Variants in MCTP1 observed in about 807,000 individuals in gnomAD.
MCTP1 encodes the protein multiple C2 and transmembrane domain containing 1, also known as multiple C2 and transmembrane domain-containing protein 1.
Under a neutral mutation model 120.6 loss-of-function variants are expected in MCTP1, and 69 were observed. The observed-to-expected ratio is 0.57, with a 90% CI of 0.47 to 0.70. MCTP1 has a LOEUF of 0.70. MCTP1 is among the 30% of genes least tolerant of loss of function. The pLI, the probability that MCTP1 is intolerant of heterozygous loss-of-function variation, is 0.00. For missense variants in MCTP1, 1,203 were observed against 1,248.8 expected (o/e 0.96, Z 0.55); for synonymous variants, 529 against 493.1 (o/e 1.07, Z -0.96).
At chr5:95,060,950 A>AAAAAG (rs1390487914) in intron 1 of MCTP1, among the ~76,000 whole-genome samples, 3 of 149,212 alleles carry the variant, frequency 2.0e-5, no homozygotes, top group Non-Finnish European at 2.9e-5. Flanking sequence ...CAAAAAAAAA[A>AAAAAG]AAAAGAAAAG....
At position 94,707,570 on chromosome 5, in the gene MCTP1, G is replaced by GT; in HGVS notation, c.2929-4dup. 2 of 1,610,036 alleles carry GT rather than the reference G, an allele frequency of 1.2e-6. No homozygotes were observed. The highest frequency in any genetic ancestry group is 1.7e-6 in the Non-Finnish European group (2 of 1,176,990). On this transcript the variant is annotated splice_region_variant and splice_polypyrimidine_tract_variant and intron_variant, in intron 22 of 22. Transcript: ENST00000515393. ...GGTTTCAGTTCTTGGTATTGCACCTGTTTAAACAGAGTTCAGAGGAAGACT... is the reference window on the plus strand; with the variant it reads ...GGTTTCAGTTCTTGGTATTGCACCTGTTTTAAACAGAGTTCAGAGGAAGACT...
chr5:95,267,294 C>A (rs944378227), intron 1 of MCTP1, among the ~76,000 whole-genome samples: 12 of 152,134 alleles, frequency 7.9e-5, no homozygotes, highest in African/African-American at 2.4e-4. Flanking sequence ...AAGTTTAAAT[C>A]TCCTGAAAAT....
At chr5:94,872,661 T>G (rs1269501724) in intron 13 of MCTP1, among the ~76,000 whole-genome samples, 3 of 152,060 alleles carry the variant, frequency 2.0e-5, no homozygotes, top group Non-Finnish European at 4.4e-5. Flanking sequence ...AATTAACTCA[T>G]AGGGTATTTT....
chr5:94,784,553 T>A (rs1777236588), intron 18 of MCTP1, among the ~76,000 whole-genome samples: 1 of 152,086 alleles, frequency 6.6e-6, no homozygotes, highest in South Asian at 2.1e-4. Context: ...ATTGTATACA[T>A]AATTCACTCC....
chr5:94,975,231 C>T (rs72777351), intron 2 of MCTP1, among the ~76,000 whole-genome samples: 48,252 of 151,666 alleles, frequency 0.32, 7,821 homozygotes, highest in South Asian at 0.39. Flanking sequence ...ATGTTTATAC[C>T]CCCGCAACTC....
intron 1 of MCTP1, among the ~76,000 whole-genome samples, chr5:95,052,854 G>A (rs571294825): frequency 1.6e-4 from 25 of 152,276 alleles, no homozygotes; most frequent in African/African-American, 3.1e-4. Flanking sequence ...TGGGGTAGCC[G>A]TCCAGTTAAA....
intron 17 of MCTP1, among the ~76,000 whole-genome samples, chr5:94,810,266 C>A (rs1332338152): frequency 6.6e-6 from 1 of 152,078 alleles, no homozygotes; most frequent in Non-Finnish European, 1.5e-5. Context: ...ATGAATGTTA[C>A]CACTCCTATT....
Position 94,710,681 on chromosome 5 carries a change from C to A in MCTP1, c.2830+137G>T, listed in dbSNP as rs555649691. 3.9e-4 allele frequency: 229 copies of A among 593,514 alleles called. 3 individuals carry two copies. The African/African-American group carries it at 4.1e-3, about 11-fold the overall frequency. 36.8% of individuals were successfully genotyped at this position (593,514 alleles called of 1,614,324 possible). On this transcript the variant is annotated intron_variant, in intron 21 of 22. Coordinates refer to ENST00000515393, the MANE Select transcript of MCTP1 (RefSeq NM_024717.7). ...TCTTTATACTGTTGTGATTTTTAAC[C>A]AACCTGTCTCTTTTCATCATGGAGT...
At chr5:95,042,811 C>T (rs928229739) in intron 1 of MCTP1, among the ~76,000 whole-genome samples, 19 of 152,182 alleles carry the variant, frequency 1.2e-4, no homozygotes, top group Non-Finnish European at 2.6e-4. Flanking sequence ...ACATTCAGCT[C>T]TACCTCAAAC....
At chr5:95,067,567 TAAAC>T (rs1444830850) in intron 1 of MCTP1, among the ~76,000 whole-genome samples, 2 of 152,050 alleles carry the variant, frequency 1.3e-5, no homozygotes, top group Admixed American at 1.3e-4. Flanking sequence ...TAAACAGAAA[TAAAC>T]TAAGATACAT....
chr5:94,849,615 G>C (rs1057367852), intron 17 of MCTP1, among the ~76,000 whole-genome samples: 4 of 152,084 alleles, frequency 2.6e-5, no homozygotes, highest in Non-Finnish European at 5.9e-5. Context: ...GGTCGATGGG[G>C]TTAAAGGAAA....
chr5:95,081,752 A>T, intron 1 of MCTP1: 1 of 1,184,622 alleles, frequency 8.4e-7, no homozygotes, highest in Non-Finnish European at 1.0e-6. Flanking sequence ...CAAAACTGTT[A>T]GTACAGATTA....
chr5:94,951,938 G>A (rs1234991059), intron 3 of MCTP1, among the ~76,000 whole-genome samples: 4 of 152,088 alleles, frequency 2.6e-5, no homozygotes, highest in East Asian at 3.9e-4. Context: ...TTGGGAGGCC[G>A]AGGAGCACAG....
chr5:95,126,477 C>T (rs1301796861), intron 1 of MCTP1, among the ~76,000 whole-genome samples: 1 of 152,184 alleles, frequency 6.6e-6, no homozygotes, highest in African/African-American at 2.4e-5. Context: ...AAGAAAAACT[C>T]TACCTCAATG....
At chr5:94,860,751 G>C (rs908216220) in intron 17 of MCTP1, among the ~76,000 whole-genome samples, 2 of 151,186 alleles carry the variant, frequency 1.3e-5, no homozygotes, top group Non-Finnish European at 3.0e-5. Flanking sequence ...GAGCTGGGGC[G>C]GGGGGGAAGC....
At position 94,704,284 on chromosome 5, in the gene MCTP1, C is replaced by T. The variant is rs573992875; in HGVS notation, c.*3212G>A. ...AGTATTAATTTAGCAATACCTGAGA[C>T]GTTTTTCAAGAAGTATAATGGTAGC... On this transcript the variant is annotated 3_prime_UTR_variant, in exon 23 of 23. Coordinates refer to ENST00000515393, the MANE Select transcript of MCTP1 (RefSeq NM_024717.7). 13 of 151,682 alleles carry T rather than the reference C, an allele frequency of 8.6e-5. No individual in the cohort carries two copies. Among genetic ancestry groups the T allele is most frequent in the African/African-American group, 2.7e-4 (11 of 41,480 alleles). 9.4% of individuals were successfully genotyped at this position (151,682 alleles called of 1,614,324 possible).
At chr5:94,986,542 C>T (rs937930909) in intron 2 of MCTP1, among the ~76,000 whole-genome samples, 2 of 152,188 alleles carry the variant, frequency 1.3e-5, no homozygotes, top group African/African-American at 4.8e-5. Flanking sequence ...CAGAGTCTCA[C>T]TCTGTCACCC....
chr5:95,140,282 T>G (rs1759797426), intron 1 of MCTP1, among the ~76,000 whole-genome samples: 1 of 152,160 alleles, frequency 6.6e-6, no homozygotes, highest in Admixed American at 6.5e-5. Flanking sequence ...CATGTCCTCA[T>G]CTGCAACCCG....
chr5:94,855,655 G>A (rs1223599816), intron 17 of MCTP1, among the ~76,000 whole-genome samples: 5 of 151,598 alleles, frequency 3.3e-5, no homozygotes, highest in African/African-American at 1.2e-4. Context: ...TGCAGCCCCG[G>A]AACAAAGCCA....
Sources: gnomAD v4.1 joint callset for allele counts (sites outside exome capture counted in the v4.1 genomes callset) on GRCh38, gnomAD v4.1.1 for gene constraint, MANE v1.5 for transcripts, NCBI Gene and HGNC (gene_info 2026-07-23, HGNC 2026-07-21) for gene names.